CD8B2: variants seen among roughly 807,000 people sequenced by gnomAD.
CD8B2 encodes the protein CD8B family member 2, also known as T-cell surface glycoprotein CD8 beta-2 chain.
In CD8B2, 11 loss-of-function variants were observed where a neutral mutation model predicts 23.7. That is an observed-to-expected ratio of 0.46 (90% confidence interval 0.29 to 0.77). The LOEUF (loss-of-function observed/expected upper bound fraction) is 0.77, where lower values mean the gene tolerates loss of function less well. Among genes scored for constraint, CD8B2 ranks in the 30% least tolerant of loss-of-function variants. The pLI is 0.09. For missense variants in CD8B2, 197 were observed against 270.5 expected, an observed-to-expected ratio of 0.73 and a Z score of 1.91; for synonymous variants, 90 against 109.3, an observed-to-expected ratio of 0.82 and a Z score of 1.10.
chr2:106,536,466 G>A (rs2104576015), intron 5 of CD8B2, among the ~76,000 whole-genome samples: 1 of 152,278 alleles, frequency 6.6e-6, no homozygotes, highest in Admixed American at 6.5e-5. Flanking sequence ...AATTTGACAT[G>A]ACATTTGGGC....
Position 106,507,488 on chromosome 2 carries a change from C to A in CD8B2, c.*548C>A. On this transcript the variant is annotated 3_prime_UTR_variant, in exon 6 of 6. Transcript: ENST00000643224. Reference sequence around the variant, plus strand: ...AGTCTCTGAGGGCTTCCTTTGGGGCCGGGAACTTGCGGGTTTGAGGATAGG... The same window carrying A: ...AGTCTCTGAGGGCTTCCTTTGGGGCAGGGAACTTGCGGGTTTGAGGATAGG... 2 of 985,236 alleles carry A rather than the reference C, an allele frequency of 2.0e-6. No homozygotes were observed. Among genetic ancestry groups the A allele is most frequent in the African/African-American group, 1.7e-5 (1 of 57,320 alleles). The allele number at this position is 985,236 out of a possible 1,614,324, so 61.0% of individuals were successfully genotyped here.
intron 5 of CD8B2, among the ~76,000 whole-genome samples, chr2:106,520,627 C>G (rs1055391448): frequency 6.6e-6 from 1 of 152,158 alleles, no homozygotes; most frequent in African/African-American, 2.4e-5. Context: ...CATGGTGGCT[C>G]ACACCTATAA....
Position 106,508,483 on chromosome 2 carries a change from A to G in CD8B2, c.*1543A>G, listed in dbSNP as rs1679558021. The G allele has an allele frequency of 6.6e-6, 1 of 152,102 alleles. No individual in the cohort carries two copies. The highest frequency in any genetic ancestry group is 2.4e-5 in the African/African-American group (1 of 41,418). The allele number at this position is 152,102 out of a possible 1,614,324, so 9.4% of individuals were successfully genotyped here. A position where few individuals can be genotyped will look rare whatever the true frequency, so the allele number is the denominator to read the frequency against. On this transcript the variant is annotated 3_prime_UTR_variant, in exon 6 of 6. Coordinates refer to ENST00000643224, the MANE Select transcript of CD8B2 (RefSeq NM_001349727.2). ...CAGTGTTACCGGAAGGAGGGCCTTG[A>G]GTGTAAGTTGTCCAGGTCCTTGGCA... is the stretch of plus-strand genomic sequence containing the variant.
chr2:106,527,493 GC>G (rs1329805634), intron 5 of CD8B2, among the ~76,000 whole-genome samples: 1 of 152,174 alleles, frequency 6.6e-6, no homozygotes, highest in Non-Finnish European at 1.5e-5. Context: ...CCAATAAAAA[GC>G]CTGGGATCAG....
intron 5 of CD8B2, among the ~76,000 whole-genome samples, chr2:106,520,196 T>G (rs955615465): frequency 2.0e-5 from 3 of 152,234 alleles, no homozygotes; most frequent in Admixed American, 1.3e-4. Flanking sequence ...TTATAAACAT[T>G]TATATACTCA....
intron 2 of CD8B2, among the ~76,000 whole-genome samples, chr2:106,495,868 G>A (rs1679289271): frequency 6.6e-6 from 1 of 152,298 alleles, no homozygotes; most frequent in African/African-American, 2.4e-5. Flanking sequence ...GCATGATCAT[G>A]GCTCACTTCA....
chr2:106,540,012 A>G (rs1680147628), intron 5 of CD8B2, among the ~76,000 whole-genome samples: 1 of 152,224 alleles, frequency 6.6e-6, no homozygotes, highest in Non-Finnish European at 1.5e-5. Context: ...AGTGGAAATT[A>G]TATACTTCAT....
downstream of CD8B2, among the ~76,000 whole-genome samples, chr2:106,511,475 T>G (rs1247082977): frequency 7.8e-6 from 1 of 128,208 alleles, no homozygotes; most frequent in African/African-American, 3.0e-5. Flanking sequence ...CAGTGGGAAG[T>G]AGCCTGCAGG....
downstream of CD8B2, among the ~76,000 whole-genome samples, chr2:106,511,540 C>T (rs983310840): frequency 6.6e-6 from 1 of 151,644 alleles, no homozygotes; most frequent in African/African-American, 2.4e-5. Context: ...ACACCACCCC[C>T]TCCCTTTCAT....
rs371759319 is a variant in CD8B2 at position 106,518,812 on chromosome 2, TTC to T, written c.620+14496_620+14497del. ...CTCTATCCATTTTCCTTCCTACATT[TTC>T]TCTCTCTCACTATCCATCCTTCCAT... is the stretch of plus-strand genomic sequence containing the variant. On this transcript the variant is annotated intron_variant, in intron 5 of 5. Transcript: ENST00000416057. Among the ~76,000 whole-genome samples, 700 of 152,058 alleles carry T rather than the reference TTC, an allele frequency of 4.6e-3. 4 individuals are homozygous for T. The highest frequency in any genetic ancestry group is 0.016 in the African/African-American group (655 of 41,448).
downstream of CD8B2, among the ~76,000 whole-genome samples, chr2:106,512,043 A>G (rs1167868443): frequency 1.3e-5 from 2 of 152,142 alleles, no homozygotes; most frequent in African/African-American, 4.8e-5. Flanking sequence ...TTAGACTTCT[A>G]AATTTGAAAG....
intron 5 of CD8B2, among the ~76,000 whole-genome samples, chr2:106,526,113 G>A (rs1055428352): frequency 1.3e-5 from 2 of 152,068 alleles, no homozygotes; most frequent in Non-Finnish European, 2.9e-5. Context: ...GTGGCGGCAT[G>A]CATCCGTAGT....
Position 106,502,366 on chromosome 2 carries a change from T to C in CD8B2, c.494-108T>C, listed in dbSNP as rs527629512. ...CATCGAAATACAAATGGTGGTATTC[T>C]CTGGGAGGTGGGGCTTCCAGTTGAA... On this transcript the variant is annotated intron_variant, in intron 3 of 5. Transcript: ENST00000643224. 399 of 607,192 alleles carry C rather than the reference T, an allele frequency of 6.6e-4. 1 individual carries two copies. The African/African-American group carries it at 7.3e-3, about 11-fold the overall frequency. 37.6% of individuals were successfully genotyped at this position (607,192 alleles called of 1,614,324 possible).
chr2:106,509,139 C>CA lies in CD8B2; in HGVS notation c.*2200dup, dbSNP rs1291418416. The CA allele has an allele frequency of 1.6e-4, 25 of 152,332 alleles. No individual in the cohort carries two copies. The highest frequency in any genetic ancestry group is 5.8e-4 in the African/African-American group (24 of 41,446). 9.4% of individuals were successfully genotyped at this position (152,332 alleles called of 1,614,324 possible). A position where few individuals can be genotyped will look rare whatever the true frequency, so the allele number is the denominator to read the frequency against. ...AAATTGGCCTCAGATTCCCTGCCCCCAGACATAGATGTTTCTCCTTGATTC... is the reference window on the plus strand; with the variant it reads ...AAATTGGCCTCAGATTCCCTGCCCCCAAGACATAGATGTTTCTCCTTGATTC... On this transcript the variant is annotated 3_prime_UTR_variant, in exon 6 of 6. Coordinates refer to ENST00000643224, the MANE Select transcript of CD8B2 (RefSeq NM_001349727.2).
intron 5 of CD8B2, among the ~76,000 whole-genome samples, 170 bp from the exon 6 acceptor site, chr2:106,506,758 A>G (rs1008498517): frequency 1.8e-4 from 27 of 151,922 alleles, no homozygotes; most frequent in African/African-American, 6.3e-4. Flanking sequence ...AGCCTTAACA[A>G]TCTTTTTAAT....
At chr2:106,506,277 G>A (rs1679503597) in intron 5 of CD8B2, among the ~76,000 whole-genome samples, 1 of 152,096 alleles carries the variant, frequency 6.6e-6, no homozygotes, top group Admixed American at 6.5e-5. Context: ...TCTGATGCCA[G>A]TTTTGGGGAG....
chr2:106,527,769 C>A (rs573290444), intron 5 of CD8B2, among the ~76,000 whole-genome samples: 4 of 151,758 alleles, frequency 2.6e-5, no homozygotes. Flanking sequence ...GGCCACAGAG[C>A]GAGACTTTGT....
downstream of CD8B2, among the ~76,000 whole-genome samples, chr2:106,512,079 A>G (rs1679642609): frequency 6.6e-6 from 1 of 152,092 alleles, no homozygotes; most frequent in African/African-American, 2.4e-5. Context: ...CTTCTACGTA[A>G]TTTTGTTGTT....
chr2:106,523,940 A>G (rs1679868898), intron 5 of CD8B2, among the ~76,000 whole-genome samples: 1 of 152,172 alleles, frequency 6.6e-6, no homozygotes, highest in African/African-American at 2.4e-5. Flanking sequence ...CCGATTAGGT[A>G]ATGTAACTTT....
Sources: allele counts gnomAD v4.1 joint callset (sites outside exome capture counted in the v4.1 genomes callset), GRCh38; gene constraint gnomAD v4.1.1; transcripts MANE v1.5; gene names NCBI Gene and HGNC (gene_info 2026-07-23, HGNC 2026-07-21).